The following EXOC6 variants were observed in gnomAD, a reference collection of about 807,000 sequenced individuals.
EXOC6 encodes the protein exocyst complex component 6.
Under a neutral mutation model 112.5 loss-of-function variants are expected in EXOC6, and 60 were observed. That is an observed-to-expected ratio of 0.53 (90% confidence interval 0.43 to 0.66). The LOEUF (loss-of-function observed/expected upper bound fraction) is 0.66, where lower values mean the gene tolerates loss of function less well. Among genes scored for constraint, EXOC6 ranks in the 30% least tolerant of loss-of-function variants. The probability of loss-of-function intolerance (pLI) is 0.00; values close to 1 mark genes in which losing one functional copy is unlikely to be tolerated. For missense variants in EXOC6, 855 were observed against 957.1 expected (o/e 0.89, Z 1.41); for synonymous variants, 295 against 308.0 (o/e 0.96, Z 0.44).
chr10:92,915,743 C>T lies in EXOC6; in HGVS notation c.664-15C>T. ...CAGTTTTGAAATAATCTGAATTTCT[C>T]TCTCTTCAAAATAGGCACAGCATCA... is the stretch of plus-strand genomic sequence containing the variant. On this transcript the variant is annotated splice_polypyrimidine_tract_variant and intron_variant, in intron 6 of 21. Transcript: ENST00000260762. 6.7e-7 allele frequency: 1 copy of T among 1,492,038 alleles called. No homozygotes were observed. The highest frequency in any genetic ancestry group is 8.8e-7 in the Non-Finnish European group (1 of 1,130,062). 92.4% of individuals were successfully genotyped at this position (1,492,038 alleles called of 1,614,324 possible).
intron 12 of EXOC6, among the ~76,000 whole-genome samples, chr10:92,938,547 C>T (rs1426773120): frequency 2.0e-5 from 3 of 152,054 alleles, no homozygotes; most frequent in Non-Finnish European, 1.5e-5. Flanking sequence ...TCTTCTAAAA[C>T]AAAGCTGACT....
At chr10:93,032,740 T>A (rs1245970710) in intron 20 of EXOC6, among the ~76,000 whole-genome samples, 1 of 152,086 alleles carries the variant, frequency 6.6e-6, no homozygotes, top group Non-Finnish European at 1.5e-5. Context: ...CAACAAAGAG[T>A]GCTAATTTAA....
At chr10:92,862,335 C>T (rs1430816552) in intron 1 of EXOC6, among the ~76,000 whole-genome samples, 2 of 151,884 alleles carry the variant, frequency 1.3e-5, no homozygotes, top group Non-Finnish European at 2.9e-5. Context: ...TTCATGCCCC[C>T]CCCCCATAAT....
intron 18 of EXOC6, among the ~76,000 whole-genome samples, chr10:92,981,596 CCTTTCT>C: frequency 6.6e-6 from 1 of 152,038 alleles, no homozygotes. Flanking sequence ...CATTTTTCTT[CCTTTCT>C]AGAAACTCTT....
intron 1 of EXOC6, among the ~76,000 whole-genome samples, chr10:92,852,439 A>G (rs1277842052): frequency 9.1e-6 from 1 of 109,354 alleles, no homozygotes; most frequent in Non-Finnish European, 1.9e-5. Context: ...CTAAATCAGT[A>G]TTCCTCATAC....
At chr10:92,941,995 T>G (rs142949990) in intron 13 of EXOC6, among the ~76,000 whole-genome samples, 11 of 152,340 alleles carry the variant, frequency 7.2e-5, no homozygotes, top group African/African-American at 2.6e-4. Context: ...TGTCAATATT[T>G]GATGATATTA....
chr10:92,913,197 G>A (rs1274985582), intron 6 of EXOC6, among the ~76,000 whole-genome samples: 1 of 152,150 alleles, frequency 6.6e-6, no homozygotes, highest in Non-Finnish European at 1.5e-5. Flanking sequence ...TCCAGAAACT[G>A]GGGAGTATTT....
intron 14 of EXOC6, 92 bp from the exon 15 acceptor site, chr10:92,952,181 A>G (rs1382575608): frequency 1.4e-6 from 1 of 720,784 alleles, no homozygotes; most frequent in African/African-American, 1.8e-5. Context: ...TTTGCTATTC[A>G]AGTGTGAAAT....
At position 92,873,305 on chromosome 10, in the gene EXOC6, A is replaced by G. The variant is rs186343837; in HGVS notation, c.102-20044A>G. On this transcript the variant is annotated intron_variant, in intron 1 of 21. Coordinates refer to ENST00000260762, the MANE Select transcript of EXOC6 (RefSeq NM_019053.6). Reference sequence around the variant, plus strand: ...CATCAGTGTGCTGTGCTGTTATTCAAAATTACAGTGAGTATTAATGTCAGT... The same window carrying G: ...CATCAGTGTGCTGTGCTGTTATTCAGAATTACAGTGAGTATTAATGTCAGT... Among the ~76,000 whole-genome samples, 85 of 152,330 alleles carry G rather than the reference A, an allele frequency of 5.6e-4. No individual in the cohort carries two copies. In the Middle Eastern group the frequency reaches 0.01, roughly 18 times the overall value.
intron 20 of EXOC6, among the ~76,000 whole-genome samples, chr10:93,042,889 C>A (rs1209928776): frequency 6.6e-6 from 1 of 151,626 alleles, no homozygotes; most frequent in East Asian, 1.9e-4. Flanking sequence ...CGATTTCTAA[C>A]ATTCTGAAGC....
At chr10:92,852,506 T>C in intron 1 of EXOC6, among the ~76,000 whole-genome samples, 1 of 152,310 alleles carries the variant, frequency 6.6e-6, no homozygotes, top group Non-Finnish European at 1.5e-5. Context: ...GATTTAAAAG[T>C]ATAAAATACA....
chr10:93,017,988 C>T (rs1415850288), intron 20 of EXOC6, among the ~76,000 whole-genome samples: 1 of 121,914 alleles, frequency 8.2e-6, no homozygotes, highest in Admixed American at 9.3e-5. Context: ...CCAGCTTGGG[C>T]AACAAGAGTG....
intron 19 of EXOC6, among the ~76,000 whole-genome samples, chr10:93,007,403 C>T (rs1354799964): frequency 6.6e-6 from 1 of 152,092 alleles, no homozygotes; most frequent in Non-Finnish European, 1.5e-5. Flanking sequence ...GTAATCCCAG[C>T]ACTTTGGGAG....
At chr10:93,057,995 A>G (rs1846623680) in intron 21 of EXOC6, among the ~76,000 whole-genome samples, 1 of 152,248 alleles carries the variant, frequency 6.6e-6, no homozygotes, top group Non-Finnish European at 1.5e-5. Context: ...TTTTAGATGT[A>G]CATACTAATG....
chr10:92,970,509 C>G (rs1333585328), intron 17 of EXOC6, among the ~76,000 whole-genome samples: 5 of 152,208 alleles, frequency 3.3e-5, no homozygotes, highest in Non-Finnish European at 7.3e-5. Context: ...CAGAGGATGA[C>G]TGTATAAGTT....
chr10:92,987,851 G>A (rs986182974), intron 18 of EXOC6, among the ~76,000 whole-genome samples: 1 of 151,940 alleles, frequency 6.6e-6, no homozygotes, highest in African/African-American at 2.4e-5. Flanking sequence ...GATTGTAAAA[G>A]CACTGCACTC....
At chr10:92,994,888 T>A (rs1843418566) in intron 18 of EXOC6, among the ~76,000 whole-genome samples, 1 of 151,982 alleles carries the variant, frequency 6.6e-6, no homozygotes, top group South Asian at 2.1e-4. Context: ...TGTTAACATT[T>A]CTATCTAAAA....
intron 1 of EXOC6, among the ~76,000 whole-genome samples, chr10:92,876,416 A>G (rs903057868): frequency 2.0e-5 from 3 of 152,226 alleles, no homozygotes; most frequent in African/African-American, 7.2e-5. Flanking sequence ...AGGGATAGAT[A>G]GATTAGGTCA....
intron 20 of EXOC6, among the ~76,000 whole-genome samples, chr10:93,034,753 A>G (rs779423328): frequency 6.6e-5 from 10 of 152,188 alleles, no homozygotes; most frequent in Non-Finnish European, 1.3e-4. Flanking sequence ...TTAAATAACA[A>G]TTATTTCCAC....
Sources: gnomAD v4.1 joint callset for allele counts (sites outside exome capture counted in the v4.1 genomes callset) on GRCh38, gnomAD v4.1.1 for gene constraint, MANE v1.5 for transcripts, NCBI Gene and HGNC (gene_info 2026-07-23, HGNC 2026-07-21) for gene names.